Variants in MTCH2 observed in about 807,000 individuals in gnomAD.
MTCH2 encodes the protein mitochondrial carrier homolog 2.
MTCH2 carries 25 observed loss-of-function variants against 50.6 expected under a neutral mutation model. That is an observed-to-expected ratio of 0.49 (90% confidence interval 0.36 to 0.69). MTCH2 has a LOEUF of 0.69. Ranked by LOEUF, MTCH2 falls within the 30% of genes least tolerant of loss-of-function variation. The pLI is 0.00. For synonymous variants in MTCH2, 106 were observed against 132.0 expected (o/e 0.80, Z 1.35); for missense variants, 273 against 384.4 (o/e 0.71, Z 2.42).
chr11:47,641,499 T>A (rs2097314166), intron 1 of MTCH2, among the ~76,000 whole-genome samples: 2 of 152,082 alleles, frequency 1.3e-5, no homozygotes, highest in Non-Finnish European at 2.9e-5. Flanking sequence ...CTAGGCACAG[T>A]GCATGAGGTA....
intron 12 of MTCH2, among the ~76,000 whole-genome samples, chr11:47,620,648 T>TA (rs376587410): frequency 2.2e-4 from 33 of 152,212 alleles, no homozygotes; most frequent in African/African-American, 7.5e-4. Context: ...AGCTTGTCTC[T>TA]AAAAAATAAA....
At chr11:47,630,984 G>T in intron 7 of MTCH2, 52 bp downstream of exon 7, 1 of 1,353,484 alleles carries the variant, frequency 7.4e-7, no homozygotes, top group Non-Finnish European at 1.1e-6. Context: ...TATTATTCTA[G>T]TACTTTGGCT....
intron 9 of MTCH2, 124 bp downstream of exon 9, chr11:47,628,829 T>G (rs957040378): frequency 1.3e-6 from 1 of 746,746 alleles, no homozygotes; most frequent in South Asian, 1.7e-5. Flanking sequence ...CCGCCCACAT[T>G]GGCCTCCCAA....
Position 47,639,006 on chromosome 11 carries a change from CA to C in MTCH2, c.132del (p.Phe44LeufsTer31). The C allele has an allele frequency of 6.2e-7, 1 of 1,613,654 alleles. No homozygotes were observed. Among genetic ancestry groups the C allele is most frequent in the South Asian group, 1.1e-5 (1 of 90,914 alleles). ...CCAGGAAGCTGACACACTTGCCGCC[CA>C]AAAATATTTCGTCCTATTGTTGGAG... ...PLPPTIGRNI[F>X]GRQVCQLPGL... On this transcript the variant is annotated frameshift_variant, in exon 2 of 13. Coordinates refer to ENST00000302503, the MANE Select transcript of MTCH2 (RefSeq NM_014342.4). LOFTEE classifies it high-confidence loss of function.
downstream of MTCH2, among the ~76,000 whole-genome samples, chr11:47,616,404 T>C (rs2097288432): frequency 6.6e-6 from 1 of 152,078 alleles, no homozygotes; most frequent in Admixed American, 6.6e-5. Flanking sequence ...TGTCACCCAG[T>C]GGCACAATCT....
At position 47,642,480 on chromosome 11, in the gene MTCH2, G is replaced by A. The variant is rs1439116801; in HGVS notation, c.-15C>T. On this transcript the variant is annotated 5_prime_UTR_variant, in exon 1 of 13. Coordinates refer to ENST00000302503, the MANE Select transcript of MTCH2 (RefSeq NM_014342.4). ...GCGTCCGCCATGATGGCACCCGCGG[G>A]CGGACGGACAGACAGACGGAGCCAC... 1 of 1,574,494 alleles carries A rather than the reference G, an allele frequency of 6.4e-7. No homozygotes were observed. The highest frequency in any genetic ancestry group is 8.6e-7 in the Non-Finnish European group (1 of 1,161,888).
intron 5 of MTCH2, among the ~76,000 whole-genome samples, chr11:47,632,605 G>T (rs923116599): frequency 1.3e-5 from 2 of 152,020 alleles, no homozygotes; most frequent in Admixed American, 1.3e-4. Context: ...TGATCCGCCC[G>T]CCTCGGCCTC....
chr11:47,635,454 G>A (rs2097307668), intron 4 of MTCH2, 91 bp downstream of exon 4: 1 of 1,392,086 alleles, frequency 7.2e-7, no homozygotes. Context: ...ATAGGAGACT[G>A]ACTACTTGGC....
intron 8 of MTCH2, among the ~76,000 whole-genome samples, chr11:47,630,051 C>T (rs556258374): frequency 5.9e-5 from 9 of 152,098 alleles, no homozygotes; most frequent in Non-Finnish European, 1.0e-4. Flanking sequence ...TTTTTTGAGA[C>T]GGAGTCTCAC....
In MTCH2 at chr11:47,617,960, A is replaced by G. The variant is rs1273484026; in HGVS notation, c.*873T>C. 1.3e-5 allele frequency: 2 copies of G among 152,218 alleles called. No homozygotes were observed. The highest frequency in any genetic ancestry group is 2.9e-5 in the Non-Finnish European group (2 of 68,046). 9.4% of individuals were successfully genotyped at this position (152,218 alleles called of 1,614,324 possible). A position where few individuals can be genotyped will look rare whatever the true frequency, so the allele number is the denominator to read the frequency against. ...AAAAAACTGAAGAACAAAAGATTAT[A>G]TATAATTAGAACTGTATGGTGTAAT... On this transcript the variant is annotated 3_prime_UTR_variant, in exon 13 of 13. Transcript: ENST00000302503.
chr11:47,633,390 G>A (rs1361291481), intron 5 of MTCH2, among the ~76,000 whole-genome samples: 3 of 148,638 alleles, frequency 2.0e-5, no homozygotes, highest in East Asian at 2.0e-4. Flanking sequence ...GATTACAGGT[G>A]TAAGCCACCA....
chr11:47,634,526 A>G (rs2097306655), intron 5 of MTCH2, 146 bp downstream of exon 5: 1 of 586,412 alleles, frequency 1.7e-6, no homozygotes, highest in Middle Eastern at 2.7e-4. Context: ...TTAATGTTAT[A>G]CATGTAGTAA....
At chr11:47,620,339 T>C (rs1037680185) in intron 12 of MTCH2, among the ~76,000 whole-genome samples, 6 of 151,880 alleles carry the variant, frequency 4.0e-5, no homozygotes, top group African/African-American at 1.2e-4. Context: ...CTTAGCGGTA[T>C]GTGCCTGTAG....
intron 12 of MTCH2, 117 bp from the exon 13 acceptor site, chr11:47,619,036 C>A (rs2097290790): frequency 4.8e-6 from 4 of 831,766 alleles, no homozygotes; most frequent in Admixed American, 2.0e-5. Flanking sequence ...AAAACTGGGA[C>A]TATCACTACA....
intron 1 of MTCH2, among the ~76,000 whole-genome samples, chr11:47,641,821 T>C (rs964886594): frequency 4.6e-5 from 7 of 152,134 alleles, no homozygotes; most frequent in African/African-American, 1.7e-4. Flanking sequence ...TCATTAACAC[T>C]TCTGAATGAG....
chr11:47,623,682 A>G (rs1042773927), intron 11 of MTCH2, among the ~76,000 whole-genome samples: 1 of 152,358 alleles, frequency 6.6e-6, no homozygotes, highest in East Asian at 1.9e-4. Flanking sequence ...CCACATAGCT[A>G]TCTGATCTTA....
At chr11:47,634,614 A>C in intron 5 of MTCH2, 58 bp downstream of exon 5, 24 of 1,258,984 alleles carry the variant, frequency 1.9e-5, no homozygotes, top group Non-Finnish European at 2.4e-5. Context: ...CTGATTCCAT[A>C]GTTGCAACAC....
intron 3 of MTCH2, among the ~76,000 whole-genome samples, chr11:47,636,437 A>G (rs931180104): frequency 4.6e-5 from 7 of 151,720 alleles, no homozygotes; most frequent in African/African-American, 1.7e-4. Context: ...CCATCTCAGA[A>G]AAAAAGAAAA....
downstream of MTCH2, among the ~76,000 whole-genome samples, chr11:47,612,763 T>C (rs1380198427): frequency 6.6e-6 from 1 of 150,686 alleles, no homozygotes; most frequent in Non-Finnish European, 1.5e-5. Context: ...TAATTTTTGG[T>C]TGGTGGTAAA....
Sources: allele counts gnomAD v4.1 joint callset (sites outside exome capture counted in the v4.1 genomes callset), GRCh38; gene constraint gnomAD v4.1.1; transcripts MANE v1.5; gene names NCBI Gene and HGNC (gene_info 2026-07-23, HGNC 2026-07-21).